CSMD1: variants seen among roughly 807,000 people sequenced by gnomAD.
The protein encoded by CSMD1 is CUB and Sushi multiple domains 1, also known as CUB and sushi domain-containing protein 1.
CSMD1 carries 213 observed loss-of-function variants against 417.5 expected under a neutral mutation model. The observed-to-expected ratio is 0.51, with a 90% CI of 0.46 to 0.57. CSMD1 has a LOEUF of 0.57. Ranked by LOEUF, CSMD1 falls within the 20% of genes least tolerant of loss-of-function variation. CSMD1 has a pLI of 0.00. For synonymous variants in CSMD1, 2,862 were observed against 1,736.8 expected (o/e 1.65, Z -16.11); for missense variants, 6,923 against 4,529.7 (o/e 1.53, Z -15.17).
At chr8:3,271,994 C>A (rs945861419) in intron 26 of CSMD1, among the ~76,000 whole-genome samples, 6 of 151,926 alleles carry the variant, frequency 3.9e-5, no homozygotes, top group Non-Finnish European at 4.4e-5. Context: ...TTGAGACATG[C>A]AGTCCTTGCC....
At chr8:4,779,667 G>C (rs923746870) in intron 1 of CSMD1, among the ~76,000 whole-genome samples, 2 of 152,138 alleles carry the variant, frequency 1.3e-5, no homozygotes, top group East Asian at 1.9e-4. Context: ...TTTATAAATA[G>C]TCTCCATTGC....
At chr8:4,874,930 CTTTA>C (rs1166739640) in intron 1 of CSMD1, among the ~76,000 whole-genome samples, 1 of 150,602 alleles carries the variant, frequency 6.6e-6, no homozygotes, top group African/African-American at 2.4e-5. Flanking sequence ...TTTCCACAAG[CTTTA>C]TTTTTCATTT....
intron 10 of CSMD1, among the ~76,000 whole-genome samples, chr8:3,545,648 G>A (rs1004407888): frequency 2.6e-5 from 4 of 152,132 alleles, no homozygotes; most frequent in East Asian, 1.9e-4. Context: ...CATCATCAGC[G>A]GTGGACAACT....
chr8:3,471,337 T>C (rs1022183244), intron 11 of CSMD1, among the ~76,000 whole-genome samples: 1 of 152,214 alleles, frequency 6.6e-6, no homozygotes, highest in African/African-American at 2.4e-5. Context: ...TGATATATTG[T>C]AGTACAGATA....
chr8:4,204,611 G>A (rs1285606191), intron 3 of CSMD1, among the ~76,000 whole-genome samples: 2 of 152,134 alleles, frequency 1.3e-5, no homozygotes, highest in Admixed American at 1.3e-4. Context: ...ATAAAAGTGT[G>A]TAAGGAGACA....
At position 4,967,005 on chromosome 8, in the gene CSMD1, G is replaced by A. The variant is rs149389170; in HGVS notation, c.85+27327C>T. 5.7e-4 allele frequency among the ~76,000 whole-genome samples: 86 copies of A among 152,200 alleles called. 3 individuals are homozygous for A. The highest frequency in any genetic ancestry group is 5.1e-3 in the Admixed American group (78 of 15,270). On this transcript the variant is annotated intron_variant, in intron 1 of 69. Transcript: ENST00000635120. ...CTTTATGTCATTTTGTACTTCTGAT[G>A]TTATTGCATGGCAGGAAATTGACCA...
chr8:2,945,788 C>A (rs1399684894), intron 68 of CSMD1, among the ~76,000 whole-genome samples: 1 of 152,128 alleles, frequency 6.6e-6, no homozygotes, highest in African/African-American at 2.4e-5. Context: ...GCTGTTGCAA[C>A]CACAACTGTT....
At chr8:4,404,046 A>G (rs1804841417) in intron 3 of CSMD1, among the ~76,000 whole-genome samples, 1 of 152,208 alleles carries the variant, frequency 6.6e-6, no homozygotes, top group South Asian at 2.1e-4. Flanking sequence ...ATCCAGACTT[A>G]TCCAAAAACA....
intron 2 of CSMD1, among the ~76,000 whole-genome samples, chr8:4,560,264 C>A (rs975110648): frequency 2.0e-5 from 3 of 152,182 alleles, no homozygotes; most frequent in African/African-American, 7.2e-5. Context: ...TCACAAAGCC[C>A]CTGACTATGT....
intron 3 of CSMD1, among the ~76,000 whole-genome samples, chr8:4,279,960 G>T (rs756337751): frequency 6.6e-6 from 1 of 152,150 alleles, no homozygotes; most frequent in African/African-American, 2.4e-5. Context: ...ATAGGGGCAA[G>T]AACATCAAAG....
intron 27 of CSMD1, among the ~76,000 whole-genome samples, chr8:3,227,431 C>T (rs532010187): frequency 9.2e-5 from 14 of 152,028 alleles, no homozygotes; most frequent in African/African-American, 3.4e-4. Flanking sequence ...TTTTAAAAGT[C>T]CGAGAAATAT....
At chr8:3,487,568 G>A (rs1053280816) in intron 11 of CSMD1, among the ~76,000 whole-genome samples, 1 of 152,110 alleles carries the variant, frequency 6.6e-6, no homozygotes, top group Non-Finnish European at 1.5e-5. Context: ...GTCACAAGGA[G>A]GGTATTCTAC....
At chr8:4,306,259 A>T (rs1030673329) in intron 3 of CSMD1, among the ~76,000 whole-genome samples, 1 of 152,194 alleles carries the variant, frequency 6.6e-6, no homozygotes, top group Non-Finnish European at 1.5e-5. Context: ...GTGGTGGCAC[A>T]AGTTGTAGAA....
chr8:3,872,420 C>T (rs1805537871), intron 5 of CSMD1, among the ~76,000 whole-genome samples: 1 of 152,116 alleles, frequency 6.6e-6, no homozygotes, highest in Admixed American at 6.5e-5. Flanking sequence ...CCTGAAGTGT[C>T]CAGTTAAAAC....
intron 7 of CSMD1, among the ~76,000 whole-genome samples, chr8:3,663,298 G>A (rs35362797): frequency 0.32 from 48,674 of 152,032 alleles, 8,309 homozygotes; most frequent in Admixed American, 0.44. Context: ...TGGGATGTGG[G>A]CAGTAGAATA....
chr8:4,557,423 T>C (rs1413169475), intron 2 of CSMD1, among the ~76,000 whole-genome samples: 1 of 149,624 alleles, frequency 6.7e-6, no homozygotes, highest in South Asian at 2.1e-4. Flanking sequence ...TCTGAAAATC[T>C]GCGAGGTTTT....
At chr8:3,014,845 G>C (rs1046629673) in intron 52 of CSMD1, among the ~76,000 whole-genome samples, 5 of 151,988 alleles carry the variant, frequency 3.3e-5, no homozygotes, top group African/African-American at 1.2e-4. Context: ...GAGTCCAGGA[G>C]GTCGAGGTAG....
At chr8:4,211,157 T>C (rs553056935) in intron 3 of CSMD1, among the ~76,000 whole-genome samples, 1 of 152,142 alleles carries the variant, frequency 6.6e-6, no homozygotes, top group Admixed American at 6.5e-5. Flanking sequence ...AAATAATTTA[T>C]CCAGGAAAAA....
intron 23 of CSMD1, among the ~76,000 whole-genome samples, chr8:3,313,354 T>G (rs569988710): frequency 6.0e-4 from 92 of 152,108 alleles, no homozygotes; most frequent in Non-Finnish European, 1.1e-3. Flanking sequence ...GGGAGAAAAT[T>G]TTTGCAATCT....
Sources: allele counts gnomAD v4.1 joint callset (sites outside exome capture counted in the v4.1 genomes callset), GRCh38; gene constraint gnomAD v4.1.1; transcripts MANE v1.5; gene names NCBI Gene and HGNC (gene_info 2026-07-23, HGNC 2026-07-21).